SMIM41: variants seen among roughly 807,000 people sequenced by gnomAD.
The protein encoded by SMIM41 is small integral membrane protein 41.
chr12:52,085,801 A>G (rs1939884170), intron 2 of SMIM41, among the ~76,000 whole-genome samples: 2 of 152,198 alleles, frequency 1.3e-5, no homozygotes, highest in African/African-American at 4.8e-5. Context: ...CTGTCTGTGC[A>G]CCAAATCTGG....
At chr12:52,093,967 CA>C (rs778700380) in intron 2 of SMIM41, among the ~76,000 whole-genome samples, 3 of 151,722 alleles carry the variant, frequency 2.0e-5, no homozygotes, top group Non-Finnish European at 4.4e-5. Context: ...CCTGTCTCTA[CA>C]AAAAATAGAA....
intron 2 of SMIM41, among the ~76,000 whole-genome samples, chr12:52,089,597 A>AAAAAC (rs149875066): frequency 0.01 from 1,508 of 149,096 alleles, 18 homozygotes; most frequent in African/African-American, 0.023. Context: ...CCGCCTTCAA[A>AAAAAC]AAAACAAAAC....
chr12:52,083,863 CATT>C (rs1939852537), intron 1 of SMIM41, 28 bp from the exon 2 acceptor site: 1 of 152,108 alleles, frequency 6.6e-6, no homozygotes, highest in Non-Finnish European at 1.5e-5. Flanking sequence ...CCTGTGGCAT[CATT>C]ATTTTCCCTG....
intron 2 of SMIM41, among the ~76,000 whole-genome samples, chr12:52,097,276 C>G (rs1409415171): frequency 6.6e-6 from 1 of 152,070 alleles, no homozygotes; most frequent in Non-Finnish European, 1.5e-5. Flanking sequence ...TATCACCCCC[C>G]TCTCTTTCCC....
chr12:52,096,760 T>C (rs1429812033), intron 2 of SMIM41, among the ~76,000 whole-genome samples: 1 of 151,820 alleles, frequency 6.6e-6, no homozygotes, highest in African/African-American at 2.4e-5. Flanking sequence ...TTATTAATAT[T>C]GATAATTTAT....
chr12:52,099,552 TCTC>T (rs1460336614), intron 2 of SMIM41, among the ~76,000 whole-genome samples: 3 of 151,938 alleles, frequency 2.0e-5, no homozygotes, highest in African/African-American at 7.3e-5. Context: ...AGTAATATCC[TCTC>T]CTCCACGGTT....
chr12:52,084,366 T>G (rs1416793485), intron 2 of SMIM41, among the ~76,000 whole-genome samples: 1 of 127,042 alleles, frequency 7.9e-6, no homozygotes, highest in East Asian at 2.2e-4. Flanking sequence ...AACAACAACA[T>G]CAACCACAAA....
At chr12:52,101,730 G>C (rs527429668) in intron 2 of SMIM41, among the ~76,000 whole-genome samples, 41 of 144,122 alleles carry the variant, frequency 2.8e-4, no homozygotes, top group South Asian at 8.8e-4. Context: ...TTTTTGTTTT[G>C]AGATGGAGTT....
At chr12:52,080,276 C>G (rs1161740468) in intron 1 of SMIM41, 95 bp downstream of exon 1, 1 of 183,062 alleles carries the variant, frequency 5.5e-6, no homozygotes, top group East Asian at 1.3e-4. Flanking sequence ...GGCAAGGCAC[C>G]TGTCTTTGGA....
chr12:52,098,222 C>A (rs911259136), intron 2 of SMIM41, among the ~76,000 whole-genome samples: 18 of 152,002 alleles, frequency 1.2e-4, no homozygotes, highest in Non-Finnish European at 2.1e-4. Flanking sequence ...GTAGTGTACA[C>A]CCTCTGTGAT....
At chr12:52,097,712 T>C (rs1275188511) in intron 2 of SMIM41, among the ~76,000 whole-genome samples, 3 of 152,074 alleles carry the variant, frequency 2.0e-5, no homozygotes, top group Non-Finnish European at 4.4e-5. Flanking sequence ...GGGAGTCATA[T>C]GATACTTGCC....
chr12:52,097,353 C>A (rs549243289), intron 2 of SMIM41, among the ~76,000 whole-genome samples: 2 of 151,918 alleles, frequency 1.3e-5, no homozygotes, highest in African/African-American at 4.8e-5. Context: ...ATATCACCCC[C>A]CCCCGGATAT....
chr12:52,105,817 A>G (rs1219634459), intron 2 of SMIM41, among the ~76,000 whole-genome samples: 1 of 152,178 alleles, frequency 6.6e-6, no homozygotes, highest in African/African-American at 2.4e-5. Flanking sequence ...AAGACCATGA[A>G]GTATAGTATC....
chr12:52,082,982 G>A (rs1330170258), intron 1 of SMIM41, among the ~76,000 whole-genome samples: 1 of 152,140 alleles, frequency 6.6e-6, no homozygotes, highest in African/African-American at 2.4e-5. Context: ...CTGGCTTGTG[G>A]TGAGACCTCA....
intron 2 of SMIM41, among the ~76,000 whole-genome samples, chr12:52,097,277 T>C (rs944457841): frequency 1.3e-5 from 2 of 151,632 alleles, no homozygotes; most frequent in African/African-American, 4.9e-5. Context: ...ATCACCCCCC[T>C]CTCTTTCCCT....
intron 1 of SMIM41, among the ~76,000 whole-genome samples, chr12:52,082,413 C>G (rs917046107): frequency 6.6e-6 from 1 of 151,988 alleles, no homozygotes; most frequent in African/African-American, 2.4e-5. Flanking sequence ...GTTCCTGAGT[C>G]CAGTGCTTGG....
rs565252697 is a variant in SMIM41, at chr12:52,105,748, C to T, written c.*196-1631C>T. 2.2e-4 allele frequency among the ~76,000 whole-genome samples: 33 copies of T among 151,808 alleles called. No homozygotes were observed. In the East Asian group the frequency reaches 5.0e-3, roughly 23 times the overall value. On this transcript the variant is annotated intron_variant, in intron 2 of 2. Coordinates refer to ENST00000546390, the MANE Select transcript of SMIM41 (RefSeq NM_001369216.1). ...CAGCCTGGGCAACAGAATGAGACTC[C>T]GTCTCAAAAAAACAAAAACAAAAAC...
chr12:52,092,482 G>A (rs1029184193), intron 2 of SMIM41: 3 of 152,190 alleles, frequency 2.0e-5, no homozygotes, highest in African/African-American at 4.8e-5. Flanking sequence ...AGGATTCTGT[G>A]TTAAGCAAAG....
Position 52,079,880 on chromosome 12 carries a change from C to CGGTGCAGGCGGT in SMIM41, c.107_118dup (p.Gln36_Val39dup). 2.6e-6 allele frequency: 1 copy of CGGTGCAGGCGGT among 390,272 alleles called. No individual in the cohort carries two copies. The highest frequency in any genetic ancestry group is 3.7e-5 in the East Asian group (1 of 27,164). The allele number at this position is 390,272 out of a possible 1,614,324, so 24.2% of individuals were successfully genotyped here. ...CCGGAGCCCCCCGAGGGGCCGCGCG[C>CGGTGCAGGCGGT]GGTGCAGGCGGTGGTGCTCGGCGTG... is the stretch of plus-strand genomic sequence containing the variant. On this transcript the variant is annotated inframe_insertion, in exon 1 of 3. Coordinates refer to ENST00000546390, the MANE Select transcript of SMIM41 (RefSeq NM_001369216.1).
Sources: gnomAD v4.1 joint callset for allele counts (sites outside exome capture counted in the v4.1 genomes callset) on GRCh38, gnomAD v4.1.1 for gene constraint, MANE v1.5 for transcripts, NCBI Gene and HGNC (gene_info 2026-07-23, HGNC 2026-07-21) for gene names.